APBA2: variants seen among roughly 807,000 people sequenced by gnomAD.
The protein encoded by APBA2 is amyloid beta precursor protein binding family A member 2.
A neutral mutation model predicts 75.0 loss-of-function variants in APBA2; 30 were observed. The observed-to-expected ratio is 0.40, with a 90% CI of 0.30 to 0.54. APBA2 has a LOEUF of 0.54. Among genes scored for constraint, APBA2 ranks in the 20% least tolerant of loss-of-function variants. APBA2 has a pLI of 0.49. For synonymous variants in APBA2, 444 were observed against 409.6 expected (o/e 1.08, Z -1.01); for missense variants, 801 against 1,016.1 (o/e 0.79, Z 2.88).
intron 1 of APBA2, among the ~76,000 whole-genome samples, chr15:28,920,156 C>T (rs1055303192): frequency 5.3e-5 from 8 of 152,178 alleles, no homozygotes; most frequent in Non-Finnish European, 8.8e-5. Flanking sequence ...GTGAGGACTG[C>T]AGAAAGAAGA....
At chr15:28,956,784 G>C (rs1356080576) in intron 2 of APBA2, among the ~76,000 whole-genome samples, 3 of 152,150 alleles carry the variant, frequency 2.0e-5, no homozygotes, top group African/African-American at 7.2e-5. Flanking sequence ...CTATGATTTT[G>C]ACGACTTCAG....
intron 12 of APBA2, among the ~76,000 whole-genome samples, chr15:29,107,268 G>A (rs539057574): frequency 1.8e-3 from 281 of 152,326 alleles, no homozygotes; most frequent in African/African-American, 6.5e-3. Context: ...AAGTAAGGAG[G>A]CCACCCTGAC....
At chr15:28,998,643 A>G (rs2038673906) in intron 3 of APBA2, among the ~76,000 whole-genome samples, 1 of 152,168 alleles carries the variant, frequency 6.6e-6, no homozygotes, top group Admixed American at 6.5e-5. Flanking sequence ...ACTGTGTGAC[A>G]TTTGTGCAGG....
rs560795372 is a variant in APBA2, at chr15:29,035,123, T to C, written c.-40-18722T>C. Among the ~76,000 whole-genome samples, 7 of 152,260 alleles carry C rather than the reference T, an allele frequency of 4.6e-5. No individual in the cohort carries two copies. The East Asian group carries it at 7.7e-4, about 17-fold the overall frequency. On this transcript the variant is annotated intron_variant, in intron 3 of 14. Coordinates refer to ENST00000683413, the MANE Select transcript of APBA2 (RefSeq NM_001353788.2). Reference sequence around the variant, plus strand: ...ACTTTAATGGCAATTGATGGGCAAGTGCAGGCTGTTCTTGCAGGGGAGGGA... The same window carrying C: ...ACTTTAATGGCAATTGATGGGCAAGCGCAGGCTGTTCTTGCAGGGGAGGGA...
intron 3 of APBA2, among the ~76,000 whole-genome samples, chr15:29,020,282 GTTT>G (rs57525831): frequency 1.4e-5 from 2 of 140,444 alleles, no homozygotes; most frequent in Non-Finnish European, 3.2e-5. Context: ...TGTTTTAGGT[GTTT>G]TTTTTTTTTC....
At chr15:29,042,264 CCT>C (rs369076976) in intron 3 of APBA2, among the ~76,000 whole-genome samples, 1 of 151,692 alleles carries the variant, frequency 6.6e-6, no homozygotes, top group African/African-American at 2.4e-5. Context: ...TAATCCCCTT[CCT>C]CTCTCTCTCT....
chr15:29,101,971 A>C (rs74691070), intron 10 of APBA2, 187 bp downstream of exon 10: 8,858 of 663,584 alleles, frequency 0.013, 214 homozygotes, highest in African/African-American at 0.076. Flanking sequence ...GTTTTATTCT[A>C]CTTCTTGAAA....
At chr15:29,069,700 G>A (rs922639103) in intron 4 of APBA2, among the ~76,000 whole-genome samples, 2 of 152,220 alleles carry the variant, frequency 1.3e-5, no homozygotes, top group Non-Finnish European at 2.9e-5. Context: ...AGCTGTCCTA[G>A]GTCAGGGTCT....
chr15:29,059,668 T>C (rs2042048357), intron 4 of APBA2, among the ~76,000 whole-genome samples: 1 of 152,218 alleles, frequency 6.6e-6, no homozygotes, highest in Non-Finnish European at 1.5e-5. Context: ...TCTGTGTTGA[T>C]TCATTGACAA....
chr15:29,061,605 C>T (rs749565203), intron 4 of APBA2, among the ~76,000 whole-genome samples: 5 of 152,242 alleles, frequency 3.3e-5, no homozygotes, highest in Non-Finnish European at 7.3e-5. Flanking sequence ...GAGGCCACAT[C>T]GAATGCAGAA....
intron 3 of APBA2, among the ~76,000 whole-genome samples, chr15:29,042,362 TC>T (rs1412608963): frequency 6.6e-6 from 1 of 152,170 alleles, no homozygotes; most frequent in East Asian, 1.9e-4. Context: ...AACCTCTGCC[TC>T]CCGAGTTTAA....
At chr15:28,950,445 G>A (rs1455411924) in intron 2 of APBA2, among the ~76,000 whole-genome samples, 1 of 151,944 alleles carries the variant, frequency 6.6e-6, no homozygotes, top group Non-Finnish European at 1.5e-5. Context: ...GGCTAACATG[G>A]TGAAACCCCG....
intron 2 of APBA2, among the ~76,000 whole-genome samples, chr15:28,922,632 A>G (rs1169197937): frequency 6.6e-6 from 1 of 152,036 alleles, no homozygotes; most frequent in Non-Finnish European, 1.5e-5. Context: ...GTTCTGACAC[A>G]CTGCTCTCCC....
intron 3 of APBA2, among the ~76,000 whole-genome samples, chr15:29,027,739 C>G (rs2152839483): frequency 6.6e-6 from 1 of 151,996 alleles, no homozygotes; most frequent in South Asian, 2.1e-4. Context: ...GTAGCTGGGA[C>G]TACAGGCGCC....
intron 13 of APBA2, among the ~76,000 whole-genome samples, chr15:29,111,596 C>T (rs752591042): frequency 1.7e-4 from 26 of 152,260 alleles, no homozygotes; most frequent in Admixed American, 5.2e-4. Flanking sequence ...CGGTAAACAC[C>T]GGGCCCTTCA....
intron 1 of APBA2, among the ~76,000 whole-genome samples, chr15:28,892,115 C>G (rs955539675): frequency 5.9e-5 from 9 of 152,152 alleles, no homozygotes; most frequent in Non-Finnish European, 1.2e-4. Flanking sequence ...CGCCCTGTCA[C>G]CCAGGCTGGA....
intron 2 of APBA2, among the ~76,000 whole-genome samples, chr15:28,940,354 T>TAA (rs2035128822): frequency 3.4e-4 from 2 of 5,922 alleles, no homozygotes; most frequent in African/African-American, 5.9e-4. Flanking sequence ...CTACTAAAAA[T>TAA]ACAAAAAAAA....
In APBA2 at chr15:28,989,491, G is replaced by A. The variant is rs529915376; in HGVS notation, c.-94-6262G>A. ...GCCACACGGGGCTGTATGCACAGGC[G>A]TCACCATGGCCAGAGCTGGAGCTCA... On this transcript the variant is annotated intron_variant, in intron 2 of 14. Transcript: ENST00000683413. Among the ~76,000 whole-genome samples, 19 of 152,304 alleles carry A rather than the reference G, an allele frequency of 1.2e-4. No homozygotes were observed. The South Asian group carries it at 3.7e-3, about 30-fold the overall frequency.
At chr15:28,999,926 G>A (rs926060545) in intron 3 of APBA2, among the ~76,000 whole-genome samples, 1 of 152,148 alleles carries the variant, frequency 6.6e-6, no homozygotes, top group African/African-American at 2.4e-5. Context: ...AGTCCAGGCC[G>A]AAAGGCCTGA....
Sources: allele counts gnomAD v4.1 joint callset (sites outside exome capture counted in the v4.1 genomes callset), GRCh38; gene constraint gnomAD v4.1.1; transcripts MANE v1.5; gene names NCBI Gene and HGNC (gene_info 2026-07-23, HGNC 2026-07-21).